Variants in IL17RC observed in about 807,000 individuals in gnomAD.
IL17RC encodes interleukin-17 receptor C.
Under a neutral mutation model 86.7 loss-of-function variants are expected in IL17RC, and 53 were observed. The observed-to-expected ratio is 0.61, with a 90% CI of 0.49 to 0.77. The LOEUF is 0.77. IL17RC is among the 30% of genes least tolerant of loss of function. IL17RC has a pLI of 0.00. For missense variants in IL17RC, 957 were observed against 940.0 expected, an observed-to-expected ratio of 1.02 and a Z score of -0.24; for synonymous variants, 439 against 413.1, an observed-to-expected ratio of 1.06 and a Z score of -0.76.
Position 9,917,115 on chromosome 3 carries a change from T to C in IL17RC, c.-201T>C. ...CGGGAGCCAAAACGAAAGCACTCCG[T>C]GCTGGAAGTAGGAGGAGAGTCAGGA... On this transcript the variant is annotated 5_prime_UTR_variant, in exon 1 of 19. Coordinates refer to ENST00000403601, the MANE Select transcript of IL17RC (RefSeq NM_153460.4). The C allele has an allele frequency of 6.9e-6, 4 of 582,304 alleles. No homozygotes were observed. Among genetic ancestry groups the C allele is most frequent in the Non-Finnish European group, 9.2e-6 (3 of 327,154 alleles). 36.1% of individuals were successfully genotyped at this position (582,304 alleles called of 1,614,324 possible). A position where few individuals can be genotyped will look rare whatever the true frequency, so the allele number is the denominator to read the frequency against.
chr3:9,933,465 G>A lies in IL17RC; in HGVS notation c.2035G>A (p.Glu679Lys), dbSNP rs1274035261. The change falls in exon 19 of 19, where the codon GAG becomes AAG. Residue 679 changes from glutamate to lysine, a missense_variant. Glu to Lys is a moderately conservative substitution (Grantham distance 56). Coordinates refer to ENST00000403601, the MANE Select transcript of IL17RC (RefSeq NM_153460.4). ...PRAPRSGRLQ[E>K]RAEQVSRALQ... The stretch of plus-strand genomic sequence containing the variant: ...CGCCCCGCGTTCCGGGCGGCTCCAA[G>A]AGAGAGCGGAGCAAGTGTCCCGGGC... 6.2e-7 allele frequency: 1 copy of A among 1,612,796 alleles called. No individual in the cohort carries two copies. The highest frequency in any genetic ancestry group is 1.6e-4 in the Middle Eastern group (1 of 6,062).
At position 9,933,458 on chromosome 3, in the gene IL17RC, G is replaced by A. The variant is rs2125321875; in HGVS notation, c.2028G>A (p.Arg676=). ...AGCCTCGCGCCCCGCGTTCCGGGCG[G>A]CTCCAAGAGAGAGCGGAGCAAGTGT... ...LQQPRAPRSG[R]LQERAEQVSR... The change falls in exon 19 of 19, where the codon CGG becomes CGA. Residue 676 remains arginine (R), a synonymous_variant. Transcript: ENST00000403601. 7 of 1,612,948 alleles carry A rather than the reference G, an allele frequency of 4.3e-6. No individual in the cohort carries two copies. Among genetic ancestry groups the A allele is most frequent in the Non-Finnish European group, 5.9e-6 (7 of 1,179,774 alleles).
Position 9,930,828 on chromosome 3 carries a change from C to T in IL17RC, c.1339-67C>T, listed in dbSNP as rs915794543. 7.0e-7 allele frequency: 1 copy of T among 1,418,712 alleles called. No individual in the cohort carries two copies. The highest frequency in any genetic ancestry group is 2.3e-5 in the East Asian group (1 of 43,976). The allele number at this position is 1,418,712 out of a possible 1,614,324, so 87.9% of individuals were successfully genotyped here. On this transcript the variant is annotated intron_variant, in intron 15 of 18. Transcript: ENST00000403601. This position sits in a 1 kb window ranked among gnomAD's most constrained non-coding sequence, Gnocchi z 5.8. The stretch of plus-strand genomic sequence containing the variant: ...TGCTGGGAATTTGGAGATCAGGCCA[C>T]CAGAGCTTGGTGAATATTGGAACAC...
rs201848169 is a variant in IL17RC at position 9,929,848 on chromosome 3, G to A, written c.1111-4G>A. ...TGGCCCTAACCATGGTCTCTTCCCA[G>A]CAGGTGAACAGCTCGGAGAAGCTGC... On this transcript the variant is annotated splice_polypyrimidine_tract_variant and splice_region_variant and intron_variant, in intron 12 of 18. Coordinates refer to ENST00000403601, the MANE Select transcript of IL17RC (RefSeq NM_153460.4). 1 of 1,614,140 alleles carries A rather than the reference G, an allele frequency of 6.2e-7. No individual in the cohort carries two copies. Among genetic ancestry groups the A allele is most frequent in the Non-Finnish European group, 8.5e-7 (1 of 1,180,000 alleles).
In IL17RC at chr3:9,924,019, T is replaced by C. The variant is rs2083829190; in HGVS notation, c.761T>C (p.Leu254Pro). ...GPPKPRWHKN[L>P]TGPQIITLNH... ...CCAAAACCCCGGTGGCACAAAAACC[T>C]GGTGAGGCCTCCCCCTTCCCAAGTC... The change falls in exon 8 of 19, where the codon CTG becomes CCG. Residue 254 changes from leucine to proline, a missense_variant and splice_region_variant. Coordinates refer to ENST00000403601, the MANE Select transcript of IL17RC (RefSeq NM_153460.4). 3 of 1,613,572 alleles carry C rather than the reference T, an allele frequency of 1.9e-6. No individual in the cohort carries two copies. In the East Asian group the frequency reaches 6.7e-5, roughly 36 times the overall value.
In IL17RC at chr3:9,928,390, G is replaced by A. The variant is rs1001054288; in HGVS notation, c.963G>A (p.Ser321=). Residue 321 remains serine, a synonymous_variant, in exon 11 of 19, where the codon TCG becomes TCA. Coordinates refer to ENST00000403601, the MANE Select transcript of IL17RC (RefSeq NM_153460.4). The part of the protein sequence containing the change: ...LQSWLLDAPC[S]LPAEAALCWR... Reference sequence around the variant, plus strand: ...GCTGGCTGCTGGACGCACCGTGCTCGCTGCCCGCAGAAGCGGCACTGTGCT... The same window carrying A: ...GCTGGCTGCTGGACGCACCGTGCTCACTGCCCGCAGAAGCGGCACTGTGCT... 8.7e-6 allele frequency: 14 copies of A among 1,604,224 alleles called. No individual in the cohort carries two copies. Among genetic ancestry groups the A allele is most frequent in the African/African-American group, 4.0e-5 (3 of 74,654 alleles).
chr3:9,917,262 T>TGG lies in IL17RC; in HGVS notation c.-54_-53insGG. On this transcript the variant is annotated 5_prime_UTR_variant, in exon 1 of 19. Coordinates refer to ENST00000403601, the MANE Select transcript of IL17RC (RefSeq NM_153460.4). The stretch of plus-strand genomic sequence containing the variant: ...GGGCTGACTGGGGTGTCTGCCCCCC[T>TGG]TGGGGGGGGGCAGCACAGGGCCTCA... 1 of 1,354,934 alleles carries TGG rather than the reference T, an allele frequency of 7.4e-7. No individual in the cohort carries two copies. Among genetic ancestry groups the TGG allele is most frequent in the Non-Finnish European group, 1.0e-6 (1 of 1,000,572 alleles). The allele number at this position is 1,354,934 out of a possible 1,614,324, so 83.9% of individuals were successfully genotyped here. A position where few individuals can be genotyped will look rare whatever the true frequency, so the allele number is the denominator to read the frequency against.
In IL17RC at chr3:9,933,210, C is replaced by T; in HGVS notation, c.1780C>T (p.Gln594Ter). The change falls in exon 19 of 19, where the codon CAG becomes TAG. Residue 594 changes from glutamine to a stop codon, truncating the protein, a stop_gained. Coordinates refer to ENST00000403601, the MANE Select transcript of IL17RC (RefSeq NM_153460.4). LOFTEE classifies it low-confidence loss of function (END_TRUNC). The part of the protein sequence containing the change: ...GAVALCSEWL[Q>*]DGVSGPGAHG... ...GGTGGCGCTGTGCAGCGAGTGGCTACAGGATGGGGTGTCCGGGCCCGGGGC... is the reference window on the plus strand; with the variant it reads ...GGTGGCGCTGTGCAGCGAGTGGCTATAGGATGGGGTGTCCGGGCCCGGGGC... 5.0e-6 allele frequency: 8 copies of T among 1,607,878 alleles called. No homozygotes were observed. Among genetic ancestry groups the T allele is most frequent in the Non-Finnish European group, 5.9e-6 (7 of 1,177,778 alleles).
rs960313179 is a variant in IL17RC, at chr3:9,930,386, C to T, written c.1279-14C>T. 1.9e-6 allele frequency: 3 copies of T among 1,613,972 alleles called. No homozygotes were observed. In the African/African-American group the frequency reaches 4.0e-5, roughly 22 times the overall value. On this transcript the variant is annotated splice_polypyrimidine_tract_variant and intron_variant, in intron 14 of 18. Coordinates refer to ENST00000403601, the MANE Select transcript of IL17RC (RefSeq NM_153460.4). This position sits in a 1 kb window ranked among gnomAD's most constrained non-coding sequence, Gnocchi z 5.8. ...ACCTCCAGGTAACAGTGCCCCCATC[C>T]TTTGGCTTGGCAGAGGGCAGCTCGC...
chr3:9,931,871 TAAAA>T (rs36000537), intron 16 of IL17RC, among the ~76,000 whole-genome samples: 2 of 116,536 alleles, frequency 1.7e-5, no homozygotes, highest in Non-Finnish European at 1.9e-5. Context: ...CAATTGGAGG[TAAAA>T]AAAAAAAAAA....
Position 9,933,232 on chromosome 3 carries a change from G to C in IL17RC, c.1802G>C (p.Gly601Ala), listed in dbSNP as rs752481934. ...CTACAGGATGGGGTGTCCGGGCCCG[G>C]GGCGCACGGCCCGCACGACGCCTTC... ...EWLQDGVSGP[G>A]AHGPHDAFRA... The change falls in exon 19 of 19, where the codon GGG becomes GCG. Residue 601 changes from glycine (G) to alanine (A), a missense_variant. Coordinates refer to ENST00000403601, the MANE Select transcript of IL17RC (RefSeq NM_153460.4). 1.2e-6 allele frequency: 2 copies of C among 1,606,614 alleles called. No individual in the cohort carries two copies. The highest frequency in any genetic ancestry group is 3.4e-5 in the Admixed American group (2 of 59,384).
Position 9,917,142 on chromosome 3 carries a change from T to C in IL17RC, c.-174T>C. 1.7e-6 allele frequency: 1 copy of C among 605,664 alleles called. No homozygotes were observed. The highest frequency in any genetic ancestry group is 2.0e-5 in the South Asian group (1 of 49,336). The allele number at this position is 605,664 out of a possible 1,614,324, so 37.5% of individuals were successfully genotyped here. A position where few individuals can be genotyped will look rare whatever the true frequency, so the allele number is the denominator to read the frequency against. The stretch of plus-strand genomic sequence containing the variant: ...CTGGAAGTAGGAGGAGAGTCAGGAC[T>C]CCCAGGACAGAGAGTGCACAAACTA... On this transcript the variant is annotated 5_prime_UTR_variant, in exon 1 of 19. Transcript: ENST00000403601.
rs2083814715 is a variant in IL17RC, at chr3:9,923,894, C to T, written c.636C>T (p.Leu212=). 2 of 1,614,076 alleles carry T rather than the reference C, an allele frequency of 1.2e-6. No individual in the cohort carries two copies. The highest frequency in any genetic ancestry group is 8.5e-7 in the Non-Finnish European group (1 of 1,179,980). ...SIPSCWALPW[L]NVSADGDNVH... Reference sequence around the variant, plus strand: ...CTCTCCCACCAGCCCTGCCCTGGCTCAACGTGTCAGCAGATGGTGACAACG... The same window carrying T: ...CTCTCCCACCAGCCCTGCCCTGGCTTAACGTGTCAGCAGATGGTGACAACG... Residue 212 remains leucine (L), a synonymous_variant, in exon 8 of 19, where the codon CTC becomes CTT. Transcript: ENST00000403601.
intron 3 of IL17RC, 41 bp downstream of exon 3, chr3:9,918,116 G>A: frequency 6.5e-7 from 1 of 1,545,492 alleles, no homozygotes; most frequent in Non-Finnish European, 8.8e-7. Context: ...GTACACGTGA[G>A]TGTGTCTGGG....
chr3:9,920,293 T>C (rs943136254), intron 5 of IL17RC, 198 bp from the exon 6 acceptor site: 5 of 563,104 alleles, frequency 8.9e-6, no homozygotes, highest in Non-Finnish European at 1.6e-5. Context: ...GGTGACACTC[T>C]TACTGAGGAC....
At chr3:9,932,782 C>G (rs755830007) in intron 17 of IL17RC, 38 bp from the exon 18 acceptor site, 27 of 1,584,040 alleles carry the variant, frequency 1.7e-5, no homozygotes, top group Non-Finnish European at 2.1e-5. Context: ...AAGCGGCGGC[C>G]GAGCTCACTG....
intron 16 of IL17RC, among the ~76,000 whole-genome samples, chr3:9,932,221 T>TTTTTG (rs908733748): frequency 2.6e-4 from 39 of 152,106 alleles, no homozygotes; most frequent in Middle Eastern, 3.4e-3. Flanking sequence ...ATTTCTTCGT[T>TTTTTG]TTTTGTTTTG....
intron 4 of IL17RC, 39 bp downstream of exon 4, chr3:9,918,448 G>A: frequency 6.2e-7 from 1 of 1,611,348 alleles, no homozygotes; most frequent in Non-Finnish European, 8.5e-7. Flanking sequence ...CCCATGCCAA[G>A]GCCTGGCCTG....
chr3:9,929,667 C>G, intron 12 of IL17RC, 185 bp from the exon 13 acceptor site: 2 of 701,296 alleles, frequency 2.9e-6, no homozygotes, highest in Non-Finnish European at 5.1e-6. Context: ...GATGATCTCA[C>G]AAGGCTGGGG....
Sources: allele counts gnomAD v4.1 joint callset (sites outside exome capture counted in the v4.1 genomes callset), GRCh38; gene constraint gnomAD v4.1.1; non-coding constraint Gnocchi (gnomAD v3.1); transcripts MANE v1.5; gene names NCBI Gene and HGNC (gene_info 2026-07-23, HGNC 2026-07-21).